PDGFA: variants seen among roughly 807,000 people sequenced by gnomAD.
The protein encoded by PDGFA is platelet derived growth factor subunit A.
A neutral mutation model predicts 25.6 loss-of-function variants in PDGFA; 9 were observed. The ratio of observed to expected loss-of-function variants is 0.35; its 90% CI spans 0.21 to 0.61. PDGFA has a LOEUF of 0.61. PDGFA is among the 20% of genes least tolerant of loss of function. PDGFA has a pLI of 0.75. For synonymous variants in PDGFA, 133 were observed against 111.8 expected (o/e 1.19, Z -1.20); for missense variants, 242 against 272.8 (o/e 0.89, Z 0.79).
At chr7:505,741 C>T (rs1487563361) in intron 4 of PDGFA, among the ~76,000 whole-genome samples, 1 of 152,182 alleles carries the variant, frequency 6.6e-6, no homozygotes, top group Non-Finnish European at 1.5e-5. Context: ...ATCTCCATCC[C>T]TAGCCTGCAC....
intron 4 of PDGFA, among the ~76,000 whole-genome samples, chr7:507,107 C>T (rs1347051507): frequency 6.6e-6 from 1 of 152,252 alleles, no homozygotes; most frequent in African/African-American, 2.4e-5. Flanking sequence ...GGTCTCTTGG[C>T]TGAGCCTCCA....
intron 4 of PDGFA, among the ~76,000 whole-genome samples, chr7:503,432 G>A (rs980453284): frequency 6.6e-6 from 1 of 152,128 alleles, no homozygotes; most frequent in African/African-American, 2.4e-5. Flanking sequence ...GGGCGTGGGG[G>A]AATGCACGCT....
At chr7:513,767 C>T (rs1316006114) in intron 2 of PDGFA, among the ~76,000 whole-genome samples, 1 of 152,150 alleles carries the variant, frequency 6.6e-6, no homozygotes, top group Admixed American at 6.5e-5. Flanking sequence ...CAGCTTCCTC[C>T]GCACCCCCGA....
At chr7:518,664 C>T (rs1430854937) in intron 1 of PDGFA, among the ~76,000 whole-genome samples, 1 of 152,054 alleles carries the variant, frequency 6.6e-6, no homozygotes, top group Non-Finnish European at 1.5e-5. Flanking sequence ...AGCTCCCCTT[C>T]CCCGGAGAGG....
At chr7:510,841 GGCACTTGACACT>G (rs762030013) in exon 4 of PDGFA, 1 of 1,607,326 alleles carries the variant, frequency 6.2e-7, no homozygotes, top group Non-Finnish European at 8.5e-7. Flanking sequence ...CGGGAGGGCT[GGCACTTGACACT>G]GCTCGTGTTG....
At chr7:511,930 C>T (rs982853498) in intron 3 of PDGFA, among the ~76,000 whole-genome samples, 8 of 152,204 alleles carry the variant, frequency 5.3e-5, no homozygotes, top group Admixed American at 1.3e-4. Flanking sequence ...ACAGCACGCG[C>T]GTCCCCACCA....
At position 505,611 on chromosome 7, in the gene PDGFA, C is replaced by T. The variant is rs150627024; in HGVS notation, c.454-4369G>A. 3.4e-3 allele frequency among the ~76,000 whole-genome samples: 522 copies of T among 152,318 alleles called. 2 individuals are homozygous for T. Among genetic ancestry groups the T allele is most frequent in the African/African-American group, 0.011 (465 of 41,570 alleles). ...ATGAAAGACACCTGACTGGACCGCA[C>T]GTGCCCGTCACTGTAACCCTCACAG... On this transcript the variant is annotated intron_variant, in intron 4 of 5. Transcript: ENST00000402802.
intron 4 of PDGFA, among the ~76,000 whole-genome samples, chr7:508,476 C>T (rs1291496526): frequency 6.9e-6 from 1 of 144,994 alleles, no homozygotes; most frequent in Admixed American, 7.2e-5. Flanking sequence ...GGGAGGATAG[C>T]TTCAGCCTGG....
intron 4 of PDGFA, among the ~76,000 whole-genome samples, chr7:504,518 T>C (rs1645800796): frequency 6.6e-6 from 1 of 152,092 alleles, no homozygotes; most frequent in South Asian, 2.1e-4. Context: ...CTGGAGGCCC[T>C]GGACACAGGT....
At chr7:503,342 T>A (rs1782429831) in intron 4 of PDGFA, among the ~76,000 whole-genome samples, 1 of 152,010 alleles carries the variant, frequency 6.6e-6, no homozygotes, top group African/African-American at 2.4e-5. Context: ...CCACTATGGA[T>A]CACCCACTTC....
chr7:509,123 G>C (rs953613570), intron 4 of PDGFA, among the ~76,000 whole-genome samples: 4 of 152,156 alleles, frequency 2.6e-5, no homozygotes, highest in Non-Finnish European at 5.9e-5. Context: ...AACGCAAGAA[G>C]ACCTTCAGCA....
chr7:507,938 A>C (rs577504610), intron 4 of PDGFA, among the ~76,000 whole-genome samples: 50 of 151,558 alleles, frequency 3.3e-4, no homozygotes, highest in African/African-American at 1.2e-3. Flanking sequence ...GCAGACAAGC[A>C]CTCCCAGGGC....
At chr7:502,471 C>A (rs917173630) in intron 4 of PDGFA, among the ~76,000 whole-genome samples, 1 of 148,458 alleles carries the variant, frequency 6.7e-6, no homozygotes, top group Non-Finnish European at 1.5e-5. Context: ...AAACCAGGGC[C>A]AGGGATCCTG....
At chr7:499,921 T>C (rs1447889632) in intron 5 of PDGFA, among the ~76,000 whole-genome samples, 1 of 152,080 alleles carries the variant, frequency 6.6e-6, no homozygotes, top group African/African-American at 2.4e-5. Context: ...CTCGATCTTA[T>C]CTCAATCCCT....
chr7:511,291 GTGGGGAGAGGGGA>G, intron 3 of PDGFA, among the ~76,000 whole-genome samples: 1 of 68,828 alleles, frequency 1.5e-5, no homozygotes, highest in African/African-American at 9.1e-5. Context: ...GTGGCTGGGG[GTGGGGAGAGGGGA>G]ACTTAGTCCA....
At chr7:506,523 C>G (rs547063727) in intron 4 of PDGFA, among the ~76,000 whole-genome samples, 3 of 152,148 alleles carry the variant, frequency 2.0e-5, no homozygotes, top group Non-Finnish European at 2.9e-5. Flanking sequence ...AGAGGCCCAT[C>G]CCAAGCACCA....
Position 502,768 on chromosome 7 carries a change from TCACACACACACA to T in PDGFA, c.454-1538_454-1527del, listed in dbSNP as rs71016866. Among the ~76,000 whole-genome samples, 34 of 126,118 alleles carry T rather than the reference TCACACACACACA, an allele frequency of 2.7e-4. No individual in the cohort carries two copies. In the South Asian group the frequency reaches 4.7e-3, roughly 17 times the overall value. The allele number at this position is 126,118 out of a possible 152,430, so 82.7% of individuals were successfully genotyped here. ...GGCATTCAACAAGAGAGGCAAGAAA[TCACACACACACA>T]CACACACACACACACACACACACAC... On this transcript the variant is annotated intron_variant, in intron 4 of 5. Coordinates refer to ENST00000402802, the Ensembl canonical transcript of PDGFA.
chr7:502,752 CAA>C (rs368258549), intron 4 of PDGFA, among the ~76,000 whole-genome samples: 43 of 143,610 alleles, frequency 3.0e-4, no homozygotes, highest in African/African-American at 8.5e-4. Flanking sequence ...AGGCATTCAA[CAA>C]GAGAGGCAAG....
upstream of PDGFA, chr7:520,421 C>G (rs1783321748): frequency 6.3e-6 from 1 of 158,168 alleles, no homozygotes; most frequent in African/African-American, 2.4e-5. Flanking sequence ...GCGCCCCCGC[C>G]CAGGATCCGA....
Sources: gnomAD v4.1 joint callset for allele counts (sites outside exome capture counted in the v4.1 genomes callset) on GRCh38, gnomAD v4.1.1 for gene constraint, MANE v1.5 for transcripts, NCBI Gene and HGNC (gene_info 2026-07-23, HGNC 2026-07-21) for gene names.